The following GALC variants were observed in gnomAD, a reference collection of about 807,000 sequenced individuals.
The protein encoded by GALC is galactocerebrosidase.
GALC carries 77 observed loss-of-function variants against 91.8 expected under a neutral mutation model. The ratio of observed to expected loss-of-function variants is 0.84; its 90% CI spans 0.70 to 1.01. GALC has a LOEUF of 1.01. Among genes scored for constraint, GALC ranks in the 50% least tolerant of loss-of-function variants. The pLI, the probability that GALC is intolerant of heterozygous loss-of-function variation, is 0.00. For synonymous variants in GALC, 357 were observed against 306.7 expected (o/e 1.16, Z -1.71); for missense variants, 882 against 855.9 (o/e 1.03, Z -0.38).
At position 87,990,930 on chromosome 14, in the gene GALC, C is replaced by T. The variant is rs577208111; in HGVS notation, c.195+2040G>A. ...TCATCATTCAGTGGCCTTGAAATAACTTCCTCCTCCCTAATCCCTGAAAAT... is the reference window on the plus strand; with the variant it reads ...TCATCATTCAGTGGCCTTGAAATAATTTCCTCCTCCCTAATCCCTGAAAAT... On this transcript the variant is annotated intron_variant, in intron 1 of 16. Transcript: ENST00000261304. 6.6e-4 allele frequency among the ~76,000 whole-genome samples: 101 copies of T among 152,264 alleles called. 1 individual carries two copies. Among genetic ancestry groups the T allele is most frequent in the African/African-American group, 2.3e-3 (94 of 41,550 alleles).
At position 87,933,767 on chromosome 14, in the gene GALC, C is replaced by A; in HGVS notation, c.*965G>T. 4 of 489,440 alleles carry A rather than the reference C, an allele frequency of 8.2e-6. No individual in the cohort carries two copies. Among genetic ancestry groups the A allele is most frequent in the South Asian group, 4.2e-5 (1 of 23,938 alleles). 30.3% of individuals were successfully genotyped at this position (489,440 alleles called of 1,614,324 possible). A position where few individuals can be genotyped will look rare whatever the true frequency, so the allele number is the denominator to read the frequency against. On this transcript the variant is annotated 3_prime_UTR_variant, in exon 17 of 17. Coordinates refer to ENST00000261304, the MANE Select transcript of GALC (RefSeq NM_000153.4). ...ACGCTCACGTATATTTAAATATAAACATATTTGGACTTTAAAAAGTAAGTA... is the reference window on the plus strand; with the variant it reads ...ACGCTCACGTATATTTAAATATAAAAATATTTGGACTTTAAAAAGTAAGTA...
intron 7 of GALC, among the ~76,000 whole-genome samples, chr14:87,971,096 C>T (rs896859988): frequency 2.0e-5 from 3 of 152,096 alleles, no homozygotes; most frequent in African/African-American, 7.2e-5. Flanking sequence ...AGCCCAGTTT[C>T]TGAAGCTCCT....
Position 87,993,043 on chromosome 14 carries a change from C to T in GALC, c.122G>A (p.Gly41Asp). The stretch of plus-strand genomic sequence containing the variant: ...GTCGGAGTCGTCGAGCACGTACGCG[C>T]CGCCGGGCGCCAGCAGCGCACACAG... The part of the protein sequence containing the change: ...LLLCALLAPG[G>D]AYVLDDSDGL... The change falls in exon 1 of 17, where the codon GGC (glycine) becomes GAC (aspartate). Residue 41 changes from glycine to aspartate, a missense_variant. By Grantham distance (94) the Gly-to-Asp change is moderately conservative. Coordinates refer to ENST00000261304, the MANE Select transcript of GALC (RefSeq NM_000153.4). 1 of 1,556,016 alleles carries T rather than the reference C, an allele frequency of 6.4e-7. No individual in the cohort carries two copies. Among genetic ancestry groups the T allele is most frequent in the Non-Finnish European group, 8.7e-7 (1 of 1,153,682 alleles).
chr14:87,982,632 C>T (rs1365613504), intron 5 of GALC, among the ~76,000 whole-genome samples: 2 of 151,976 alleles, frequency 1.3e-5, no homozygotes, highest in African/African-American at 4.8e-5. Context: ...CCCTGAAAGC[C>T]AAGTATTAAT....
intron 11 of GALC, 51 bp downstream of exon 11, chr14:87,950,608 T>C (rs1286553517): frequency 2.6e-6 from 3 of 1,146,434 alleles, no homozygotes; most frequent in Non-Finnish European, 3.9e-6. Context: ...TGTGACAGAA[T>C]ATATAAATTC....
intron 14 of GALC, among the ~76,000 whole-genome samples, chr14:87,942,289 C>T (rs2139943483): frequency 6.6e-6 from 1 of 152,088 alleles, no homozygotes; most frequent in South Asian, 2.1e-4. Context: ...CTTGGAGGAC[C>T]ATTTTCCCCT....
intron 5 of GALC, among the ~76,000 whole-genome samples, chr14:87,983,324 A>G (rs1309909144): frequency 1.3e-5 from 2 of 152,180 alleles, no homozygotes; most frequent in Non-Finnish European, 2.9e-5. Flanking sequence ...AGTGTAAAAA[A>G]AAAAGGAAAG....
At chr14:87,966,648 T>G (rs7141758) in intron 8 of GALC, among the ~76,000 whole-genome samples, 11,749 of 152,232 alleles carry the variant, frequency 0.077, 540 homozygotes, top group African/African-American at 0.1. Context: ...TTGCAAGATG[T>G]GTGGTATCCT....
In GALC at chr14:87,992,340, G is replaced by C. The variant is rs1292385977; in HGVS notation, c.195+630C>G. The C allele has an allele frequency of 2.6e-6, 4 of 1,535,706 alleles. No individual in the cohort carries two copies. In the East Asian group the frequency reaches 9.8e-5, roughly 38 times the overall value. ...CCACCATGAAGCCCATGGGCCCAGA[G>C]GGAGTACCCGGTAGTTTCAGGCCGC... is the stretch of plus-strand genomic sequence containing the variant. On this transcript the variant is annotated intron_variant, in intron 1 of 16. Coordinates refer to ENST00000261304, the MANE Select transcript of GALC (RefSeq NM_000153.4).
chr14:87,949,647 T>C (rs1885222993), intron 12 of GALC, among the ~76,000 whole-genome samples, 198 bp downstream of exon 12: 1 of 151,984 alleles, frequency 6.6e-6, no homozygotes, highest in Non-Finnish European at 1.5e-5. Flanking sequence ...GAGTCTCAAA[T>C]GGGACTTAAA....
chr14:87,983,990 T>C (rs1223182879), intron 5 of GALC, among the ~76,000 whole-genome samples: 1 of 152,126 alleles, frequency 6.6e-6, no homozygotes, highest in East Asian at 1.9e-4. Context: ...GGCCCTTTAA[T>C]AAAAAGTTTG....
At chr14:87,977,166 A>G (rs1245978415) in intron 6 of GALC, among the ~76,000 whole-genome samples, 1 of 152,134 alleles carries the variant, frequency 6.6e-6, no homozygotes, top group East Asian at 1.9e-4. Context: ...TAATCATACC[A>G]TTTGGCAAAA....
upstream of GALC, chr14:87,993,372 C>T: frequency 6.5e-7 from 1 of 1,535,744 alleles, no homozygotes; most frequent in Non-Finnish European, 8.7e-7. Flanking sequence ...CTGGATTTCA[C>T]ATGTACTTAC....
In GALC at chr14:87,941,476, C is replaced by G; in HGVS notation, c.1753G>C (p.Gly585Arg). The G allele has an allele frequency of 1.2e-6, 2 of 1,605,530 alleles. No homozygotes were observed. Among genetic ancestry groups the G allele is most frequent in the Non-Finnish European group, 1.7e-6 (2 of 1,172,582 alleles). ...CTGGCACTTCTAATCAAAATACCACCTTTATTTACTCTTCCTGCAATGAAC... is the reference window on the plus strand; with the variant it reads ...CTGGCACTTCTAATCAAAATACCACGTTTATTTACTCTTCCTGCAATGAAC... ...GVFIAGRVNK[G>R]GILIRSARGI... Residue 585 changes from glycine to arginine, a missense_variant, in exon 15 of 17, where the codon GGT becomes CGT. Physicochemically the swap from Gly to Arg is moderately radical, Grantham distance 125. Transcript: ENST00000261304.
intron 1 of GALC, among the ~76,000 whole-genome samples, chr14:87,989,886 A>G (rs916765660): frequency 2.6e-5 from 4 of 152,166 alleles, no homozygotes; most frequent in African/African-American, 9.7e-5. Flanking sequence ...TCCCTTAATT[A>G]TTTGGCTCCT....
chr14:87,952,899 C>G (rs1470156699), intron 10 of GALC: 1 of 944,214 alleles, frequency 1.1e-6, no homozygotes, highest in Admixed American at 1.8e-5. Context: ...TGAAAAGTAT[C>G]AAAAGCTTCT....
intron 1 of GALC, 58 bp from the exon 2 acceptor site, chr14:87,988,581 C>A: frequency 8.1e-7 from 1 of 1,240,378 alleles, no homozygotes; most frequent in South Asian, 1.2e-5. Context: ...GAATATCTGT[C>A]TACAGTGTTC....
intron 6 of GALC, 75 bp from the exon 7 acceptor site, chr14:87,976,563 A>ACTT: frequency 8.4e-7 from 1 of 1,186,988 alleles, no homozygotes; most frequent in Non-Finnish European, 1.2e-6. Flanking sequence ...ACCAAGATAG[A>ACTT]TAAAGTTATC....
intron 10 of GALC, among the ~76,000 whole-genome samples, chr14:87,961,928 A>G (rs1885823807): frequency 6.6e-6 from 1 of 152,224 alleles, no homozygotes. Context: ...GATTCGCAGA[A>G]GAAAAACATT....
Sources: gnomAD v4.1 joint callset for allele counts (sites outside exome capture counted in the v4.1 genomes callset) on GRCh38, gnomAD v4.1.1 for gene constraint, MANE v1.5 for transcripts, NCBI Gene and HGNC (gene_info 2026-07-23, HGNC 2026-07-21) for gene names.